NRG3: variants seen among roughly 807,000 people sequenced by gnomAD.
The protein encoded by NRG3 is neuregulin 3, also known as pro-neuregulin-3, membrane-bound isoform.
NRG3 carries 31 observed loss-of-function variants against 66.9 expected under a neutral mutation model. That is an observed-to-expected ratio of 0.46 (90% confidence interval 0.35 to 0.63). NRG3 has a LOEUF of 0.63. Ranked by LOEUF, NRG3 falls within the 20% of genes least tolerant of loss-of-function variation. The pLI, the probability that NRG3 is intolerant of heterozygous loss-of-function variation, is 0.00. For synonymous variants in NRG3, 393 were observed against 359.4 expected, an observed-to-expected ratio of 1.09 and a Z score of -1.06; for missense variants, 910 against 878.9, an observed-to-expected ratio of 1.04 and a Z score of -0.45.
In NRG3 at chr10:82,450,360, C is replaced by G. The variant is rs147237750; in HGVS notation, c.953+91492C>G. ...TCAGAGCACTTGAGGATGGATAAAC[C>G]TTTGGTCTCATTCTGGCTAATCTTC... On this transcript the variant is annotated intron_variant, in intron 2 of 8. Coordinates refer to ENST00000372141, the MANE Select transcript of NRG3 (RefSeq NM_001010848.4). 5.6e-4 allele frequency among the ~76,000 whole-genome samples: 85 copies of G among 152,214 alleles called. No individual in the cohort carries two copies. The East Asian group carries it at 0.016, about 28-fold the overall frequency.
At chr10:81,979,761 ATTAC>A (rs1449304880) in intron 1 of NRG3, among the ~76,000 whole-genome samples, 2 of 152,206 alleles carry the variant, frequency 1.3e-5, no homozygotes, top group Non-Finnish European at 2.9e-5. Context: ...GATTTACAAA[ATTAC>A]TTGTATTTCA....
chr10:82,925,073 C>T lies in NRG3; in HGVS notation c.1055-26396C>T, dbSNP rs75438572. Among the ~76,000 whole-genome samples the T allele has an allele frequency of 1.0e-3, 157 of 152,192 alleles. 3 individuals are homozygous for T. The East Asian group carries it at 0.026, about 25-fold the overall frequency. ...ACCCTGTACAGAAGACATAAGCACC[C>T]CCATTTTACAGATGAGGGCCCTGAG... On this transcript the variant is annotated intron_variant, in intron 4 of 8. Transcript: ENST00000372141.
At chr10:82,599,564 C>CA (rs1338616363) in intron 2 of NRG3, among the ~76,000 whole-genome samples, 1 of 152,206 alleles carries the variant, frequency 6.6e-6, no homozygotes, top group African/African-American at 2.4e-5. Context: ...CCTGTAATCT[C>CA]AGCACTTTGG....
Position 82,951,473 on chromosome 10 carries a change from T to C in NRG3, c.1059T>C (p.Ser353=). 6.2e-7 allele frequency: 1 copy of C among 1,612,872 alleles called. No individual in the cohort carries two copies. Among genetic ancestry groups the C allele is most frequent in the Non-Finnish European group, 8.5e-7 (1 of 1,179,052 alleles). Reference sequence around the variant, plus strand: ...TTTTGTTTTTCAAATTCACAGAGAGTGAAGAAGTTTATCAAAGGCAGGTGC... The same window carrying C: ...TTTTGTTTTTCAAATTCACAGAGAGCGAAGAAGTTTATCAAAGGCAGGTGC... ...TDHLGIEFME[S]EEVYQRQVLS... The change falls in exon 5 of 9, where the codon AGT becomes AGC. Residue 353 remains serine (S), a synonymous_variant. Coordinates refer to ENST00000372141, the MANE Select transcript of NRG3 (RefSeq NM_001010848.4).
chr10:82,090,247 A>C (rs1341210620), intron 1 of NRG3, among the ~76,000 whole-genome samples: 5 of 152,224 alleles, frequency 3.3e-5, no homozygotes, highest in South Asian at 2.1e-4. Flanking sequence ...GTGAGGTATG[A>C]AATGAATACA....
chr10:81,978,916 C>T (rs1023850453), intron 1 of NRG3, among the ~76,000 whole-genome samples: 21 of 151,944 alleles, frequency 1.4e-4, no homozygotes, highest in East Asian at 3.9e-4. Flanking sequence ...CCTGGCCGGG[C>T]GTGGTGGCTC....
At chr10:82,012,575 C>T (rs2061625114) in intron 1 of NRG3, among the ~76,000 whole-genome samples, 1 of 152,150 alleles carries the variant, frequency 6.6e-6, no homozygotes, top group South Asian at 2.1e-4. Flanking sequence ...TGCTCTACTT[C>T]CCTTTTAAAC....
intron 2 of NRG3, among the ~76,000 whole-genome samples, chr10:82,534,787 C>T (rs1316375016): frequency 1.3e-5 from 2 of 151,986 alleles, no homozygotes; most frequent in African/African-American, 4.8e-5. Context: ...GTTGACTGAT[C>T]TGGGACAAGA....
intron 1 of NRG3, among the ~76,000 whole-genome samples, chr10:82,021,374 C>T (rs1248618168): frequency 2.0e-5 from 3 of 151,874 alleles, no homozygotes; most frequent in Non-Finnish European, 2.9e-5. Context: ...TACCAGAGGG[C>T]AAGAAAACAA....
In NRG3 at chr10:82,800,236, A is replaced by C. The variant is rs578259686; in HGVS notation, c.1027+61586A>C. Reference sequence around the variant, plus strand: ...GTTAACATTAGCAAAATGTTTTAGCAATGCTCTGGGTTTCTACATCTTTAC... The same window carrying C: ...GTTAACATTAGCAAAATGTTTTAGCCATGCTCTGGGTTTCTACATCTTTAC... On this transcript the variant is annotated intron_variant, in intron 3 of 8. Coordinates refer to ENST00000372141, the MANE Select transcript of NRG3 (RefSeq NM_001010848.4). 5.3e-5 allele frequency among the ~76,000 whole-genome samples: 8 copies of C among 152,328 alleles called. 1 individual carries two copies. In the South Asian group the frequency reaches 1.7e-3, roughly 32 times the overall value.
intron 1 of NRG3, among the ~76,000 whole-genome samples, chr10:81,992,643 C>T (rs2060786414): frequency 6.6e-6 from 1 of 152,124 alleles, no homozygotes; most frequent in Non-Finnish European, 1.5e-5. Context: ...TGTGGATGAG[C>T]TAGAATGACT....
intron 4 of NRG3, among the ~76,000 whole-genome samples, chr10:82,917,968 GTGTA>G (rs1229375514): frequency 2.1e-5 from 2 of 97,422 alleles, no homozygotes; most frequent in African/African-American, 7.5e-5. Context: ...GTGTGTGTGT[GTGTA>G]TATATATATA....
chr10:82,228,384 G>T (rs954406786), intron 1 of NRG3, among the ~76,000 whole-genome samples: 1 of 152,010 alleles, frequency 6.6e-6, no homozygotes, highest in Non-Finnish European at 1.5e-5. Context: ...ATTTCTAAGA[G>T]AAAAATAACT....
At chr10:82,733,556 TC>T (rs2058021904) in intron 2 of NRG3, among the ~76,000 whole-genome samples, 1 of 152,284 alleles carries the variant, frequency 6.6e-6, no homozygotes, top group Non-Finnish European at 1.5e-5. Context: ...ATGTAGATAA[TC>T]AAGTCCCTGA....
At chr10:82,688,068 C>A (rs1335763865) in intron 2 of NRG3, among the ~76,000 whole-genome samples, 1 of 152,174 alleles carries the variant, frequency 6.6e-6, no homozygotes, top group Non-Finnish European at 1.5e-5. Context: ...CCCATGTGCT[C>A]ACTTGCTCTT....
intron 1 of NRG3, among the ~76,000 whole-genome samples, chr10:82,102,113 C>CATATATAT (rs768945621): frequency 1.4e-4 from 12 of 86,002 alleles, no homozygotes; most frequent in African/African-American, 4.2e-4. Context: ...TATGTGTATT[C>CATATATAT]ATATATATAT....
chr10:81,989,041 ACT>A, intron 1 of NRG3, among the ~76,000 whole-genome samples: 1 of 152,176 alleles, frequency 6.6e-6, no homozygotes, highest in Admixed American at 6.5e-5. Flanking sequence ...ATGAAATTAC[ACT>A]CTCTGTATAT....
intron 1 of NRG3, among the ~76,000 whole-genome samples, chr10:82,152,399 T>G (rs1484933538): frequency 2.6e-5 from 4 of 152,154 alleles, no homozygotes; most frequent in Non-Finnish European, 5.9e-5. Flanking sequence ...TGCTTAGCCT[T>G]TGTATCTCGA....
At chr10:82,531,623 C>T (rs1159732601) in intron 2 of NRG3, among the ~76,000 whole-genome samples, 1 of 151,808 alleles carries the variant, frequency 6.6e-6, no homozygotes, top group African/African-American at 2.4e-5. Context: ...CCAGTTTACA[C>T]ATTAAATCAC....
Sources: gnomAD v4.1 joint callset for allele counts (sites outside exome capture counted in the v4.1 genomes callset) on GRCh38, gnomAD v4.1.1 for gene constraint, MANE v1.5 for transcripts, NCBI Gene and HGNC (gene_info 2026-07-23, HGNC 2026-07-21) for gene names.